The following PPP2R3C variants were observed in gnomAD, a reference collection of about 807,000 sequenced individuals.
The protein encoded by PPP2R3C is serine/threonine-protein phosphatase 2A regulatory subunit B'' subunit gamma.
In PPP2R3C, 47 loss-of-function variants were observed where a neutral mutation model predicts 63.7. The ratio of observed to expected loss-of-function variants is 0.74; its 90% confidence interval spans 0.58 to 0.94. The LOEUF (loss-of-function observed/expected upper bound fraction) is 0.94. Among genes scored for constraint, PPP2R3C ranks in the 40% least tolerant of loss-of-function variants. The pLI, the probability that PPP2R3C is intolerant of heterozygous loss-of-function variation, is 0.00. For synonymous variants in PPP2R3C, 180 were observed against 177.4 expected (o/e 1.01, Z -0.12); for missense variants, 421 against 518.4 (o/e 0.81, Z 1.82).
intron 6 of PPP2R3C, among the ~76,000 whole-genome samples, chr14:35,103,300 C>T (rs563021123): frequency 1.2e-4 from 18 of 152,184 alleles, no homozygotes; most frequent in Non-Finnish European, 2.4e-4. Context: ...GTTCCTAGAA[C>T]AGGTCCAGGC....
intron 7 of PPP2R3C, 176 bp downstream of exon 7, chr14:35,099,076 C>T: frequency 2.0e-5 from 16 of 815,344 alleles, no homozygotes; most frequent in Non-Finnish European, 2.8e-5. Context: ...TTCAGATAAA[C>T]ATAACCAAAG....
Sources: allele counts gnomAD v4.1 joint callset (sites outside exome capture counted in the v4.1 genomes callset), GRCh38; gene constraint gnomAD v4.1.1; transcripts MANE v1.5; gene names NCBI Gene and HGNC (gene_info 2026-07-23, HGNC 2026-07-21).